Variants in RARB observed in about 807,000 individuals in gnomAD.
RARB encodes the protein HBV-activated protein.
A neutral mutation model predicts 51.9 loss-of-function variants in RARB; 17 were observed. The ratio of observed to expected loss-of-function variants is 0.33; its 90% confidence interval spans 0.22 to 0.49. The LOEUF (loss-of-function observed/expected upper bound fraction) is 0.49, where lower values mean the gene tolerates loss of function less well. RARB is among the 20% of genes least tolerant of loss of function. RARB has a pLI of 0.99. For synonymous variants in RARB, 215 were observed against 195.4 expected (o/e 1.10, Z -0.84); for missense variants, 369 against 550.8 (o/e 0.67, Z 3.30).
intron 5 of RARB, among the ~76,000 whole-genome samples, chr3:25,272,309 T>C (rs1331427917): frequency 2.0e-5 from 3 of 152,220 alleles, no homozygotes; most frequent in Non-Finnish European, 1.5e-5. Context: ...CTGGTAGATA[T>C]GCCATGATCT....
In RARB at chr3:25,428,595, G is replaced by C. The variant is rs546417902; in HGVS notation, c.-137G>C. 1.1e-5 allele frequency: 15 copies of C among 1,388,766 alleles called. No individual in the cohort carries two copies. Among genetic ancestry groups the C allele is most frequent in the Non-Finnish European group, 1.3e-5 (14 of 1,064,276 alleles). The allele number at this position is 1,388,766 out of a possible 1,614,324, so 86.0% of individuals were successfully genotyped here. A position where few individuals can be genotyped will look rare whatever the true frequency, so the allele number is the denominator to read the frequency against. Reference sequence around the variant, plus strand: ...GCTTGTCTGTCATAATTCATGATTCGGGGCTGGGAAAAAGACCAACAGCCT... The same window carrying C: ...GCTTGTCTGTCATAATTCATGATTCCGGGCTGGGAAAAAGACCAACAGCCT... On this transcript the variant is annotated 5_prime_UTR_variant, in exon 1 of 8. Transcript: ENST00000330688.
intron 5 of RARB, among the ~76,000 whole-genome samples, chr3:25,378,158 C>T (rs988159208): frequency 1.3e-5 from 2 of 152,120 alleles, no homozygotes; most frequent in African/African-American, 2.4e-5. Flanking sequence ...GTTGCAAAAT[C>T]ACCACATTGC....
chr3:25,107,869 A>G (rs1270745904), intron 3 of RARB, among the ~76,000 whole-genome samples: 3 of 152,192 alleles, frequency 2.0e-5, no homozygotes, highest in South Asian at 2.1e-4. Context: ...CAACCTCAGC[A>G]TATAATTTTT....
At position 24,877,873 on chromosome 3, in the gene RARB, C is replaced by T. The variant is rs541737331; in HGVS notation, c.-380+19121C>T. Reference sequence around the variant, plus strand: ...GTCCACATGAATGTGAGCCTCTAATCGGCTTTTAAGGAAGATTTTCCTGTT... The same window carrying T: ...GTCCACATGAATGTGAGCCTCTAATTGGCTTTTAAGGAAGATTTTCCTGTT... On this transcript the variant is annotated intron_variant, in intron 2 of 11. Transcript: ENST00000383772. Among the ~76,000 whole-genome samples the T allele has an allele frequency of 3.3e-5, 5 of 152,308 alleles. No individual in the cohort carries two copies. In the East Asian group the frequency reaches 5.8e-4, roughly 18 times the overall value.
chr3:25,447,791 A>C (rs1709012840), intron 1 of RARB, among the ~76,000 whole-genome samples: 1 of 152,028 alleles, frequency 6.6e-6, no homozygotes, highest in Non-Finnish European at 1.5e-5. Context: ...AACTGACATG[A>C]CTTGCTTTCC....
chr3:25,103,545 A>G (rs1699443685), intron 3 of RARB, among the ~76,000 whole-genome samples: 1 of 152,222 alleles, frequency 6.6e-6, no homozygotes, highest in Non-Finnish European at 1.5e-5. Flanking sequence ...TCAAGAACAG[A>G]TGGATTAGAA....
At chr3:25,351,657 T>C (rs1403291825) in intron 5 of RARB, among the ~76,000 whole-genome samples, 1 of 152,176 alleles carries the variant, frequency 6.6e-6, no homozygotes, top group Non-Finnish European at 1.5e-5. Context: ...GTTAAAAAAA[T>C]TGCTTTGAAA....
chr3:25,307,202 T>C (rs970272265), intron 5 of RARB, among the ~76,000 whole-genome samples: 2 of 151,788 alleles, frequency 1.3e-5, no homozygotes, highest in Non-Finnish European at 2.9e-5. Context: ...ATAGTGAACA[T>C]ATGTGAAACC....
At chr3:25,312,787 C>T (rs373888079) in intron 5 of RARB, among the ~76,000 whole-genome samples, 15 of 152,360 alleles carry the variant, frequency 9.8e-5, no homozygotes, top group East Asian at 3.9e-4. Flanking sequence ...AACATTCCCA[C>T]GCAGCCACAG....
intron 3 of RARB, among the ~76,000 whole-genome samples, chr3:25,535,237 G>A (rs1699090242): frequency 6.6e-6 from 1 of 152,060 alleles, no homozygotes; most frequent in Admixed American, 6.6e-5. Flanking sequence ...GAATGTTGAT[G>A]AATTCTGAAA....
intron 1 of RARB, among the ~76,000 whole-genome samples, chr3:24,850,253 G>A (rs950434088): frequency 1.3e-5 from 2 of 152,154 alleles, no homozygotes; most frequent in African/African-American, 4.8e-5. Context: ...TCAGACCATA[G>A]CAACAGTCAC....
rs35056259 is a variant in RARB at position 25,456,554 on chromosome 3, A to ATTT, written c.158-4616_158-4614dup. On this transcript the variant is annotated intron_variant, in intron 1 of 7. Coordinates refer to ENST00000330688, the MANE Select transcript of RARB (RefSeq NM_000965.5). ...GGTGATCTGACAGACTATACCACTG[A>ATTT]TTTTTTTTTTTTTTTTTTTTTTTTT... Among the ~76,000 whole-genome samples, 200 of 44,104 alleles carry ATTT rather than the reference A, an allele frequency of 4.5e-3. 38 individuals carry two copies. Among genetic ancestry groups the ATTT allele is most frequent in the African/African-American group, 7.9e-3 (80 of 10,126 alleles). 28.9% of individuals were successfully genotyped at this position (44,104 alleles called of 152,430 possible).
chr3:24,975,044 G>A (rs1696481997), intron 2 of RARB, among the ~76,000 whole-genome samples: 1 of 152,116 alleles, frequency 6.6e-6, no homozygotes, highest in Non-Finnish European at 1.5e-5. Context: ...ATTTTAAATT[G>A]CATTTAATTT....
chr3:24,879,434 TA>T (rs11417503), intron 2 of RARB, among the ~76,000 whole-genome samples: 10 of 142,978 alleles, frequency 7.0e-5, no homozygotes, highest in African/African-American at 2.6e-4. Flanking sequence ...GTCTCAAAAT[TA>T]AAAAAAAATA....
chr3:25,322,593 T>C (rs1437834176), intron 5 of RARB, among the ~76,000 whole-genome samples: 1 of 152,244 alleles, frequency 6.6e-6, no homozygotes, highest in African/African-American at 2.4e-5. Context: ...AATTTTTTAC[T>C]ATGACTTTGG....
At position 25,219,471 on chromosome 3, in the gene RARB, G is replaced by A. The variant is rs545721516; in HGVS notation, c.178+44896G>A. ...TTTGAAGTAATACTAACTTATTGTT[G>A]TGGTCAAAAATCAACAATTTGCTTT... is the stretch of plus-strand genomic sequence containing the variant. On this transcript the variant is annotated intron_variant, in intron 5 of 11. Coordinates refer to the RARB transcript ENST00000383772. 2.8e-4 allele frequency among the ~76,000 whole-genome samples: 43 copies of A among 152,230 alleles called. 2 individuals carry two copies. In the Middle Eastern group the frequency reaches 0.017, roughly 60 times the overall value.
rs140939166 is a variant in RARB at position 25,514,250 on chromosome 3, A to G, written c.448+12927A>G. On this transcript the variant is annotated intron_variant, in intron 3 of 7. Coordinates refer to ENST00000330688, the MANE Select transcript of RARB (RefSeq NM_000965.5). ...GAGTGGTATCAAGGACTTAAACTCT[A>G]TCTCTTCTCCCTCTGCTATCACAAA... 5.9e-5 allele frequency among the ~76,000 whole-genome samples: 9 copies of G among 152,292 alleles called. No individual in the cohort carries two copies. The East Asian group carries it at 1.7e-3, about 29-fold the overall frequency.
In RARB at chr3:25,411,922, C is replaced by CT. The variant is rs371309116; in HGVS notation, c.179-49270dup. On this transcript the variant is annotated intron_variant, in intron 5 of 11. Coordinates refer to the RARB transcript ENST00000383772. ...GGCAGTGCAACAGGCCATGTAGGGA[C>CT]TGCAAGGCTAGGTAGGAAGAGGGCA... Among the ~76,000 whole-genome samples the CT allele has an allele frequency of 2.6e-3, 398 of 152,292 alleles. 3 individuals carry two copies. The highest frequency in any genetic ancestry group is 9.0e-3 in the African/African-American group (372 of 41,562).
chr3:25,595,221 A>T (rs553880511), intron 7 of RARB, among the ~76,000 whole-genome samples: 1 of 152,350 alleles, frequency 6.6e-6, no homozygotes, highest in South Asian at 2.1e-4. Context: ...GATCCATATC[A>T]CAGTTGAGTG....
Sources: gnomAD v4.1 joint callset for allele counts (sites outside exome capture counted in the v4.1 genomes callset) on GRCh38, gnomAD v4.1.1 for gene constraint, MANE v1.5 for transcripts, NCBI Gene and HGNC (gene_info 2026-07-23, HGNC 2026-07-21) for gene names.